Variants in LDB3 observed in about 807,000 individuals in gnomAD.
LDB3 encodes LIM domain binding 3, also known as LIM domain-binding protein 3.
Under a neutral mutation model 69.0 loss-of-function variants are expected in LDB3, and 49 were observed. The observed-to-expected ratio is 0.71, with a 90% confidence interval of 0.56 to 0.90. The LOEUF (loss-of-function observed/expected upper bound fraction) is 0.90. Among genes scored for constraint, LDB3 ranks in the 40% least tolerant of loss-of-function variants. The pLI is 0.00. For missense variants in LDB3, 928 were observed against 974.1 expected (o/e 0.95, Z 0.63); for synonymous variants, 387 against 396.2 (o/e 0.98, Z 0.28).
chr10:86,668,319 A>T (rs2675692), upstream of LDB3: 264,402 of 350,822 alleles, frequency 0.75, 100,880 homozygotes, highest in African/African-American at 0.91. Context: ...CTCACCAACC[A>T]GGCCAGTTCC....
At position 86,735,038 on chromosome 10, in the gene LDB3, C is replaced by G. The variant is rs1198523460; in HGVS notation, c.*2062C>G. The G allele has an allele frequency of 4.3e-5, 6 of 139,794 alleles. No homozygotes were observed. The highest frequency in any genetic ancestry group is 1.3e-4 in the African/African-American group (5 of 37,070). The allele number at this position is 139,794 out of a possible 1,614,324, so 8.7% of individuals were successfully genotyped here. A position where few individuals can be genotyped will look rare whatever the true frequency, so the allele number is the denominator to read the frequency against. On this transcript the variant is annotated 3_prime_UTR_variant, in exon 14 of 14. Coordinates refer to ENST00000361373, the MANE Select transcript of LDB3 (RefSeq NM_007078.3). Reference sequence around the variant, plus strand: ...TCCCAGAATTCAGTTTCCAAAATCTCTTTTTAAAGGGTTTACACACACACA... The same window carrying G: ...TCCCAGAATTCAGTTTCCAAAATCTGTTTTTAAAGGGTTTACACACACACA...
chr10:86,703,626 C>T (rs1237157617), intron 7 of LDB3, among the ~76,000 whole-genome samples: 3 of 152,238 alleles, frequency 2.0e-5, no homozygotes, highest in African/African-American at 7.2e-5. Context: ...TCTTCCGTGA[C>T]CCTGTCACAA....
chr10:86,682,698 C>T (rs923343769), intron 5 of LDB3, among the ~76,000 whole-genome samples: 2 of 152,204 alleles, frequency 1.3e-5, no homozygotes, highest in Non-Finnish European at 2.9e-5. Flanking sequence ...ATGGAGGAAT[C>T]ACACTGTCCA....
chr10:86,681,785 G>A lies in LDB3; in HGVS notation c.671G>A (p.Gly224Asp). ...ATGAGCCTCCGAGGGAAGGCCTCGGGTGTCGGACTCCCAGGAGGGTAGGTA... is the reference window on the plus strand; with the variant it reads ...ATGAGCCTCCGAGGGAAGGCCTCGGATGTCGGACTCCCAGGAGGGTAGGTA... Reference protein sequence around the residue: ...YQMSLRGKASGVGLPGGSLPI... With the variant: ...YQMSLRGKASDVGLPGGSLPI... The change falls in exon 5 of 14, where the codon GGT (glycine) becomes GAT (aspartate). Residue 224 changes from glycine to aspartate, a missense_variant. Transcript: ENST00000361373. 1.9e-6 allele frequency: 3 copies of A among 1,597,432 alleles called. No homozygotes were observed. The highest frequency in any genetic ancestry group is 2.3e-5 in the South Asian group (2 of 88,228).
At chr10:86,679,833 G>A (rs569785748) in intron 3 of LDB3, among the ~76,000 whole-genome samples, 5 of 152,320 alleles carry the variant, frequency 3.3e-5, no homozygotes, top group South Asian at 2.1e-4. Context: ...CCCCAGTGAC[G>A]TAGCAGGGGC....
chr10:86,687,184 T>C, intron 5 of LDB3: 1 of 1,614,202 alleles, frequency 6.2e-7, no homozygotes. Context: ...CCATGCGCAG[T>C]ACAACACGCC....
intron 11 of LDB3, 53 bp downstream of exon 11, chr10:86,718,197 C>T: frequency 6.4e-7 from 1 of 1,561,032 alleles, no homozygotes; most frequent in East Asian, 2.2e-5. Context: ...CCAGCCCTTC[C>T]CCAAGATCGT....
intron 13 of LDB3, among the ~76,000 whole-genome samples, chr10:86,731,436 G>C (rs1328494112): frequency 6.6e-6 from 1 of 151,860 alleles, no homozygotes; most frequent in East Asian, 2.0e-4. Context: ...TGTTGGTCAG[G>C]CTGATCTCAA....
Position 86,691,822 on chromosome 10 carries a change from T to G in LDB3, c.690-74T>G, listed in dbSNP as rs1369528178. The G allele has an allele frequency of 1.9e-6, 3 of 1,546,900 alleles. No individual in the cohort carries two copies. In the Admixed American group the frequency reaches 5.0e-5, roughly 26 times the overall value. On this transcript the variant is annotated intron_variant, in intron 5 of 13. Coordinates refer to ENST00000361373, the MANE Select transcript of LDB3 (RefSeq NM_007078.3). Reference sequence around the variant, plus strand: ...GAACGATAGGGGCCACCAATGGGCATGGAGCAGGGACCCAGCAGGGTGGGA... The same window carrying G: ...GAACGATAGGGGCCACCAATGGGCAGGGAGCAGGGACCCAGCAGGGTGGGA...
At chr10:86,727,914 G>A (rs947339554) in intron 13 of LDB3, among the ~76,000 whole-genome samples, 2 of 150,636 alleles carry the variant, frequency 1.3e-5, no homozygotes, top group Admixed American at 6.6e-5. Context: ...CACAGCTCAC[G>A]GCAAACTCTG....
At chr10:86,720,422 C>T (rs894104418) in intron 12 of LDB3, among the ~76,000 whole-genome samples, 1 of 150,062 alleles carries the variant, frequency 6.7e-6, no homozygotes, top group Non-Finnish European at 1.5e-5. Context: ...CCAGCCTGGG[C>T]AACACAGTAA....
At chr10:86,707,954 G>A (rs1336662068) in intron 8 of LDB3, among the ~76,000 whole-genome samples, 2 of 152,260 alleles carry the variant, frequency 1.3e-5, no homozygotes, top group Non-Finnish European at 2.9e-5. Context: ...GAAACTTTGA[G>A]GAGGGCAAGA....
intron 7 of LDB3, among the ~76,000 whole-genome samples, chr10:86,695,005 A>G (rs1335723016): frequency 2.0e-5 from 3 of 152,156 alleles, no homozygotes; most frequent in Non-Finnish European, 2.9e-5. Flanking sequence ...GTCTCTCTTG[A>G]AGGCTGAGTT....
rs1247159053 is a variant in LDB3 at position 86,733,328 on chromosome 10, A to G, written c.*352A>G. On this transcript the variant is annotated 3_prime_UTR_variant, in exon 14 of 14. Coordinates refer to ENST00000361373, the MANE Select transcript of LDB3 (RefSeq NM_007078.3). The stretch of plus-strand genomic sequence containing the variant: ...ACCAGAGGAGGACAGAGCTTAGAGC[A>G]GCTGTGGAGAATCTGAAGCATTCTG... The G allele has an allele frequency of 3.1e-6, 1 of 325,700 alleles. No homozygotes were observed. Among genetic ancestry groups the G allele is most frequent in the East Asian group, 8.0e-5 (1 of 12,516 alleles). The allele number at this position is 325,700 out of a possible 1,614,324, so 20.2% of individuals were successfully genotyped here.
intron 8 of LDB3, among the ~76,000 whole-genome samples, chr10:86,708,772 C>T (rs1846535970): frequency 6.6e-6 from 1 of 152,186 alleles, no homozygotes; most frequent in Admixed American, 6.5e-5. Context: ...TTTATCTCCG[C>T]CTTGTCTGGG....
At chr10:86,668,591 CA>C (rs1844277847) in intron 1 of LDB3, 21 bp downstream of exon 1, 1 of 936,848 alleles carries the variant, frequency 1.1e-6, no homozygotes, top group Non-Finnish European at 1.8e-6. Flanking sequence ...GGGTCAGGGG[CA>C]GGGGCAGAGG....
At position 86,710,712 on chromosome 10, in the gene LDB3, G is replaced by A. The variant is rs1055342830; in HGVS notation, c.1231+662G>A. On this transcript the variant is annotated intron_variant, in intron 9 of 13. Transcript: ENST00000361373. ...AAACCCCAGGGAAGTTTTCTCTGCCGCTGGAGCCCAGGGAGATGAGACAGG... is the reference window on the plus strand; with the variant it reads ...AAACCCCAGGGAAGTTTTCTCTGCCACTGGAGCCCAGGGAGATGAGACAGG... Among the ~76,000 whole-genome samples the A allele has an allele frequency of 5.3e-5, 8 of 152,340 alleles. No individual in the cohort carries two copies. In the South Asian group the frequency reaches 1.2e-3, roughly 24 times the overall value.
intron 10 of LDB3, among the ~76,000 whole-genome samples, chr10:86,717,174 G>A (rs1235745459): frequency 4.6e-5 from 7 of 152,192 alleles, no homozygotes; most frequent in African/African-American, 1.7e-4. Context: ...ACAGGCCTGG[G>A]CTGCTCAGGG....
At chr10:86,688,639 A>AT (rs1290933105) in intron 5 of LDB3, among the ~76,000 whole-genome samples, 1 of 152,216 alleles carries the variant, frequency 6.6e-6, no homozygotes, top group Non-Finnish European at 1.5e-5. Flanking sequence ...AAACACAAGC[A>AT]TTAGCTCATG....
Sources: allele counts gnomAD v4.1 joint callset (sites outside exome capture counted in the v4.1 genomes callset), GRCh38; gene constraint gnomAD v4.1.1; transcripts MANE v1.5; gene names NCBI Gene and HGNC (gene_info 2026-07-23, HGNC 2026-07-21).